The following MCTP2 variants were observed in gnomAD, a reference collection of about 807,000 sequenced individuals.
The protein encoded by MCTP2 is multiple C2 and transmembrane domain containing 2.
Under a neutral mutation model 111.6 loss-of-function variants are expected in MCTP2, and 132 were observed. That is an observed-to-expected ratio of 1.18 (90% CI 1.03 to 1.37). The LOEUF (loss-of-function observed/expected upper bound fraction) is 1.37. Ranked by LOEUF, MCTP2 falls within the 40% of genes most tolerant of loss-of-function variation. MCTP2 has a pLI of 0.00. For missense variants in MCTP2, 1,183 were observed against 1,067.9 expected (o/e 1.11, Z -1.50); for synonymous variants, 395 against 387.7 (o/e 1.02, Z -0.22).
At chr15:94,275,844 ATTT>A (rs35006187) in intron 1 of MCTP2, among the ~76,000 whole-genome samples, 79 of 131,494 alleles carry the variant, frequency 6.0e-4, no homozygotes, top group African/African-American at 2.2e-3. Flanking sequence ...TTTTATAAGC[ATTT>A]TTTTTTTTTT....
Position 94,483,433 on chromosome 15 carries a change from G to A in MCTP2, c.*4399G>A, listed in dbSNP as rs1225994565. On this transcript the variant is annotated 3_prime_UTR_variant, in exon 23 of 23. Transcript: ENST00000357742. ...GTTCACTGCAACACTATTTACAATA[G>A]CAAAGACACTGGATCAGTCTAAATG... 9 of 152,144 alleles carry A rather than the reference G, an allele frequency of 5.9e-5. No homozygotes were observed. The highest frequency in any genetic ancestry group is 3.9e-4 in the Admixed American group (6 of 15,274). 9.4% of individuals were successfully genotyped at this position (152,144 alleles called of 1,614,324 possible). A position where few individuals can be genotyped will look rare whatever the true frequency, so the allele number is the denominator to read the frequency against.
chr15:94,383,915 G>T, intron 12 of MCTP2, 107 bp from the exon 13 acceptor site: 1 of 776,090 alleles, frequency 1.3e-6, no homozygotes, highest in South Asian at 1.7e-5. Flanking sequence ...AAGCAGTCTT[G>T]CCTTCCCTCT....
At chr15:94,384,172 G>T in intron 13 of MCTP2, 48 bp downstream of exon 13, 1 of 1,302,558 alleles carries the variant, frequency 7.7e-7, no homozygotes, top group Non-Finnish European at 1.1e-6. Context: ...TTGGAAGGTA[G>T]TCTGGGGCTC....
At chr15:94,276,052 G>GC (rs1311331806) in intron 1 of MCTP2, among the ~76,000 whole-genome samples, 1 of 151,960 alleles carries the variant, frequency 6.6e-6, no homozygotes, top group African/African-American at 2.4e-5. Flanking sequence ...CACCGTGTTA[G>GC]CCAGGATGGT....
chr15:94,245,672 A>G (rs2071920467), intron 1 of MCTP2, among the ~76,000 whole-genome samples: 1 of 146,994 alleles, frequency 6.8e-6, no homozygotes, highest in Non-Finnish European at 1.5e-5. Flanking sequence ...ATGTGTATAT[A>G]CATATGTATG....
intron 1 of MCTP2, among the ~76,000 whole-genome samples, chr15:94,282,945 C>G (rs1311561317): frequency 2.0e-5 from 3 of 152,092 alleles, no homozygotes; most frequent in African/African-American, 7.2e-5. Context: ...AGTCCCCTAG[C>G]AGCAACACTC....
At chr15:94,330,261 AT>A (rs2077070034) in intron 4 of MCTP2, among the ~76,000 whole-genome samples, 1 of 151,942 alleles carries the variant, frequency 6.6e-6, no homozygotes, top group African/African-American at 2.4e-5. Context: ...GTCCTGTTCT[AT>A]TTTTTTCTAT....
At chr15:94,478,209 G>A (rs1172308284) in intron 22 of MCTP2, among the ~76,000 whole-genome samples, 2 of 152,194 alleles carry the variant, frequency 1.3e-5, no homozygotes, top group Non-Finnish European at 2.9e-5. Flanking sequence ...TTGAAGAACA[G>A]AAATTTCCCT....
rs2083515268 is a variant in MCTP2 at position 94,437,080 on chromosome 15, A to G, written c.2086-3096A>G. Among the ~76,000 whole-genome samples, 4 of 151,038 alleles carry G rather than the reference A, an allele frequency of 2.6e-5. No homozygotes were observed. In the South Asian group the frequency reaches 6.2e-4, roughly 24 times the overall value. ...AAGGAAAGTTGATGGAGCAAGCCAC[A>G]CTAGAGGAAATCAGTGTGGTTTGAT... On this transcript the variant is annotated intron_variant, in intron 17 of 22. Coordinates refer to ENST00000357742, the MANE Select transcript of MCTP2 (RefSeq NM_001385001.1).
chr15:94,322,740 C>T (rs1454518153), intron 4 of MCTP2, among the ~76,000 whole-genome samples: 2 of 152,118 alleles, frequency 1.3e-5, no homozygotes, highest in Admixed American at 6.5e-5. Flanking sequence ...CTTGGAAATA[C>T]GACATGAAAT....
rs150282267 is a variant in MCTP2 at position 94,265,916 on chromosome 15, C to T, written c.-65-32285C>T. On this transcript the variant is annotated intron_variant, in intron 1 of 22. Coordinates refer to ENST00000357742, the MANE Select transcript of MCTP2 (RefSeq NM_001385001.1). ...TAATCATTTCATTTCAGAAAGCTCA[C>T]GCTGGGAGTGTAATTACCACAATTT... Among the ~76,000 whole-genome samples the T allele has an allele frequency of 2.2e-3, 329 of 152,304 alleles. 1 individual carries two copies. The highest frequency in any genetic ancestry group is 7.9e-3 in the African/African-American group (327 of 41,560).
chr15:94,309,377 G>A (rs2076028297), intron 2 of MCTP2, among the ~76,000 whole-genome samples: 1 of 152,206 alleles, frequency 6.6e-6, no homozygotes, highest in Admixed American at 6.5e-5. Context: ...TAATGGGGCA[G>A]TTTTTAAAGA....
intron 1 of MCTP2, among the ~76,000 whole-genome samples, chr15:94,235,717 T>G (rs528247832): frequency 6.6e-6 from 1 of 152,278 alleles, no homozygotes; most frequent in Non-Finnish European, 1.5e-5. Flanking sequence ...GTGAGAAAAC[T>G]GAAAGAGAAA....
intron 1 of MCTP2, among the ~76,000 whole-genome samples, chr15:94,277,205 GAATT>G: frequency 6.6e-6 from 1 of 152,130 alleles, no homozygotes; most frequent in South Asian, 2.1e-4. Flanking sequence ...AGATACCTAG[GAATT>G]AATTTATCAA....
At chr15:94,266,778 T>C (rs1426360460) in intron 1 of MCTP2, among the ~76,000 whole-genome samples, 1 of 152,190 alleles carries the variant, frequency 6.6e-6, no homozygotes, top group African/African-American at 2.4e-5. Context: ...TCTTGCCATA[T>C]AAAAGGAAAG....
At chr15:94,447,438 G>A (rs2084184398) in intron 19 of MCTP2, among the ~76,000 whole-genome samples, 2 of 152,094 alleles carry the variant, frequency 1.3e-5, no homozygotes, top group African/African-American at 2.4e-5. Context: ...TCTGTTGCCC[G>A]GGCAGGAGTG....
intron 22 of MCTP2, among the ~76,000 whole-genome samples, chr15:94,477,499 G>A (rs1409505242): frequency 6.6e-6 from 1 of 152,190 alleles, no homozygotes; most frequent in African/African-American, 2.4e-5. Flanking sequence ...TCCAGAGGAA[G>A]GAGGGCAGGC....
intron 4 of MCTP2, 93 bp from the exon 5 acceptor site, chr15:94,339,197 C>T: frequency 1.1e-6 from 1 of 901,436 alleles, no homozygotes; most frequent in South Asian, 2.0e-5. Context: ...GAGACATTAG[C>T]CTGGGGAGTG....
intron 17 of MCTP2, among the ~76,000 whole-genome samples, chr15:94,435,068 T>C (rs2083397197): frequency 6.6e-6 from 1 of 152,150 alleles, no homozygotes; most frequent in South Asian, 2.1e-4. Flanking sequence ...TTCACCATGT[T>C]GGCCAAGGCT....
Sources: allele counts gnomAD v4.1 joint callset (sites outside exome capture counted in the v4.1 genomes callset), GRCh38; gene constraint gnomAD v4.1.1; transcripts MANE v1.5; gene names NCBI Gene and HGNC (gene_info 2026-07-23, HGNC 2026-07-21).